The following SKOR1 variants were observed in gnomAD, a reference collection of about 807,000 sequenced individuals.
SKOR1 encodes the protein LBX1 corepressor 1.
Under a neutral mutation model 72.4 loss-of-function variants are expected in SKOR1, and 38 were observed. The observed-to-expected ratio is 0.52, with a 90% confidence interval of 0.40 to 0.69. The LOEUF (loss-of-function observed/expected upper bound fraction) is 0.69. Among genes scored for constraint, SKOR1 ranks in the 30% least tolerant of loss-of-function variants. SKOR1 has a pLI of 0.00. For synonymous variants in SKOR1, 642 were observed against 599.4 expected (o/e 1.07, Z -1.04); for missense variants, 1,320 against 1,343.2 (o/e 0.98, Z 0.27).
chr15:67,825,837 C>A lies in SKOR1; in HGVS notation c.108-99C>A. ...TTTGGACTCCCCACTGCCAAGTATC[C>A]CCCGCGCGCCCAACTCGGAGCGCCC... On this transcript the variant is annotated intron_variant, in intron 1 of 8. Transcript: ENST00000380035. This position sits in a 1 kb window ranked among gnomAD's most constrained non-coding sequence, Gnocchi z 5.6. 6.6e-7 allele frequency: 1 copy of A among 1,515,742 alleles called. No homozygotes were observed. Among genetic ancestry groups the A allele is most frequent in the Non-Finnish European group, 8.8e-7 (1 of 1,138,896 alleles). The allele number at this position is 1,515,742 out of a possible 1,614,324, so 93.9% of individuals were successfully genotyped here. A position where few individuals can be genotyped will look rare whatever the true frequency, so the allele number is the denominator to read the frequency against.
In SKOR1 at chr15:67,833,075, C is replaced by G. The variant is rs563596962; in HGVS notation, c.2738-117C>G. 4.6e-5 allele frequency: 48 copies of G among 1,043,928 alleles called. 1 individual carries two copies. In the South Asian group the frequency reaches 6.3e-4, roughly 14 times the overall value. 64.7% of individuals were successfully genotyped at this position (1,043,928 alleles called of 1,614,324 possible). ...AGCTCCGGTACCCCCTCCCCCATCC[C>G]TGGAGTTGTTTCTGCGCGGAGCTTA... On this transcript the variant is annotated intron_variant, in intron 7 of 8. Transcript: ENST00000380035. This position sits in a 1 kb window ranked among gnomAD's most constrained non-coding sequence, Gnocchi z 6.0.
Position 67,833,208 on chromosome 15 carries a change from A to C in SKOR1, c.2754A>C (p.Glu918Asp). The change falls in exon 8 of 9, where the codon GAA becomes GAC. Residue 918 changes from glutamate to aspartate, a missense_variant. By Grantham distance (45) the Glu-to-Asp change is conservative. This residue lies in a region of SKOR1 where 1,099 missense variants were observed against 1,025.5 expected (regional missense o/e 1.07). Transcript: ENST00000380035. The surrounding 1 kb of genome is among the most constrained non-coding windows in gnomAD (Gnocchi z 6.0). ...LQIVRDTLCN[E>D]LDQERKARYA... ...GTCTTCCAGATACCCTGTGTAACGAACTCGACCAGGAGCGGAAGGCGCGCT... is the reference window on the plus strand; with the variant it reads ...GTCTTCCAGATACCCTGTGTAACGACCTCGACCAGGAGCGGAAGGCGCGCT... 6.2e-7 allele frequency: 1 copy of C among 1,614,060 alleles called. No individual in the cohort carries two copies. The highest frequency in any genetic ancestry group is 8.5e-7 in the Non-Finnish European group (1 of 1,179,992).
At position 67,830,049 on chromosome 15, in the gene SKOR1, G is replaced by A. The variant is rs1277292500; in HGVS notation, c.2408-142G>A. The A allele has an allele frequency of 1.0e-5, 8 of 791,988 alleles. 1 individual carries two copies. The highest frequency in any genetic ancestry group is 3.6e-4 in the Middle Eastern group (1 of 2,810). 49.1% of individuals were successfully genotyped at this position (791,988 alleles called of 1,614,324 possible). A position where few individuals can be genotyped will look rare whatever the true frequency, so the allele number is the denominator to read the frequency against. On this transcript the variant is annotated intron_variant, in intron 3 of 8. Transcript: ENST00000380035. ...GGTGCCCGGCCCAAAGCCTCAGGGC[G>A]CGCTCCTGGGCGCACAGCCGGGAAC...
chr15:67,833,320 T>A lies in SKOR1; in HGVS notation c.2803+63T>A, dbSNP rs779323198. 9 of 1,540,454 alleles carry A rather than the reference T, an allele frequency of 5.8e-6. No homozygotes were observed. The highest frequency in any genetic ancestry group is 7.2e-6 in the Non-Finnish European group (8 of 1,115,598). ...GGTGCCGGCCGTGCTGTCGACTGAA[T>A]GAATGAATAGTGGGACTAGTGAGGA... is the stretch of plus-strand genomic sequence containing the variant. On this transcript the variant is annotated intron_variant, in intron 8 of 8. Coordinates refer to ENST00000380035, the MANE Select transcript of SKOR1 (RefSeq NM_001365915.1). This position sits in a 1 kb window ranked among gnomAD's most constrained non-coding sequence, Gnocchi z 6.0.
chr15:67,832,124 T>A lies in SKOR1; in HGVS notation c.2588-150T>A. Reference sequence around the variant, plus strand: ...AGTTTCTTCACCCAAATCCTTTGAATGCAGTTGGTAAAGCCAGAGAGCGGA... The same window carrying A: ...AGTTTCTTCACCCAAATCCTTTGAAAGCAGTTGGTAAAGCCAGAGAGCGGA... On this transcript the variant is annotated intron_variant, in intron 5 of 8. Coordinates refer to ENST00000380035, the MANE Select transcript of SKOR1 (RefSeq NM_001365915.1). The surrounding 1 kb of genome is among the most constrained non-coding windows in gnomAD (Gnocchi z 4.5). The A allele has an allele frequency of 2.8e-6, 2 of 706,878 alleles. No individual in the cohort carries two copies. Among genetic ancestry groups the A allele is most frequent in the South Asian group, 3.4e-5 (2 of 58,242 alleles). 43.8% of individuals were successfully genotyped at this position (706,878 alleles called of 1,614,324 possible). A position where few individuals can be genotyped will look rare whatever the true frequency, so the allele number is the denominator to read the frequency against.
Position 67,830,851 on chromosome 15 carries a change from C to G in SKOR1, c.2549C>G (p.Thr850Ser). ...GGGCTTACCTTGGATGTCACAGGAA[C>G]TCATTTGGTGGAGAAAGATATCGAG... is the stretch of plus-strand genomic sequence containing the variant. ...EDGLTLDVTGTHLVEKDIENL... is the reference protein window; with the variant it reads ...EDGLTLDVTGSHLVEKDIENL... The change falls in exon 5 of 9, where the codon ACT (threonine) becomes AGT (serine). Residue 850 changes from threonine (T) to serine (S), a missense_variant. By Grantham distance (58) the Thr-to-Ser change is moderately conservative. Around this residue, in one of 3 missense-constraint regions of SKOR1, gnomAD observed 1,099 missense variants for 1,025.5 expected, o/e 1.07. Transcript: ENST00000380035. The G allele has an allele frequency of 6.2e-7, 1 of 1,614,158 alleles. No individual in the cohort carries two copies. The highest frequency in any genetic ancestry group is 1.3e-5 in the African/African-American group (1 of 75,032).
rs986512173 is a variant in SKOR1 at position 67,826,877 on chromosome 15, T to A, written c.1049T>A (p.Leu350Gln). 2 of 1,541,034 alleles carry A rather than the reference T, an allele frequency of 1.3e-6. No individual in the cohort carries two copies. Among genetic ancestry groups the A allele is most frequent in the East Asian group, 4.9e-5 (2 of 41,036 alleles). The change falls in exon 2 of 9, where the codon CTG (leucine) becomes CAG (glutamine). Residue 350 changes from leucine (L) to glutamine (Q), a missense_variant. Around this residue, in one of 3 missense-constraint regions of SKOR1, gnomAD observed 1,099 missense variants for 1,025.5 expected, o/e 1.07. Coordinates refer to ENST00000380035, the MANE Select transcript of SKOR1 (RefSeq NM_001365915.1). ...PPPHPQRGLG[L>Q]ATGASGPAGP... is the part of the protein sequence containing the mutation. Reference sequence around the variant, plus strand: ...CCCCACCCGCAGCGCGGACTTGGCCTGGCGACTGGAGCTAGTGGCCCGGCG... The same window carrying A: ...CCCCACCCGCAGCGCGGACTTGGCCAGGCGACTGGAGCTAGTGGCCCGGCG...
chr15:67,833,052 C>A lies in SKOR1; in HGVS notation c.2738-140C>A. 2 of 835,722 alleles carry A rather than the reference C, an allele frequency of 2.4e-6. No homozygotes were observed. Among genetic ancestry groups the A allele is most frequent in the Non-Finnish European group, 1.9e-6 (1 of 514,740 alleles). The allele number at this position is 835,722 out of a possible 1,614,324, so 51.8% of individuals were successfully genotyped here. A position where few individuals can be genotyped will look rare whatever the true frequency, so the allele number is the denominator to read the frequency against. On this transcript the variant is annotated intron_variant, in intron 7 of 8. Transcript: ENST00000380035. This position sits in a 1 kb window ranked among gnomAD's most constrained non-coding sequence, Gnocchi z 6.0. ...TCCTCCGCCAGTCTGCAGTTAGGAGCTCCGGTACCCCCTCCCCCATCCCTG... is the reference window on the plus strand; with the variant it reads ...TCCTCCGCCAGTCTGCAGTTAGGAGATCCGGTACCCCCTCCCCCATCCCTG...
chr15:67,832,939 C>A lies in SKOR1; in HGVS notation c.2738-253C>A, dbSNP rs763695245. 1 of 596,974 alleles carries A rather than the reference C, an allele frequency of 1.7e-6. No homozygotes were observed. Among genetic ancestry groups the A allele is most frequent in the South Asian group, 2.1e-5 (1 of 48,646 alleles). 37.0% of individuals were successfully genotyped at this position (596,974 alleles called of 1,614,324 possible). ...ATGGTTTCTAAATTAAAAATCGAGG[C>A]GTAAAATTACCTGGGAAGTAATGCC... On this transcript the variant is annotated intron_variant, in intron 7 of 8. Transcript: ENST00000380035. This position sits in a 1 kb window ranked among gnomAD's most constrained non-coding sequence, Gnocchi z 4.5.
intron 4 of SKOR1, 133 bp downstream of exon 4, chr15:67,830,431 G>T (rs1052373166): frequency 3.8e-6 from 3 of 779,714 alleles, no homozygotes; most frequent in Non-Finnish European, 6.3e-6. Context: ...TCCTCGGCGA[G>T]CAGATAAATA....
chr15:67,830,443 T>C, intron 4 of SKOR1, 145 bp downstream of exon 4: 1 of 744,970 alleles, frequency 1.3e-6, no homozygotes, highest in Non-Finnish European at 2.2e-6. Context: ...AGATAAATAT[T>C]TAACGCGAGC....
chr15:67,826,950 G>C lies in SKOR1; in HGVS notation c.1122G>C (p.Val374=). ...GGGAGVRSYP[V]IPVPSKGFGL... ...GCGCCGGCGTACGAAGCTACCCGGT[G>C]ATCCCGGTGCCCAGCAAAGGCTTTG... is the stretch of plus-strand genomic sequence containing the variant. Residue 374 remains valine, a synonymous_variant, in exon 2 of 9, where the codon GTG becomes GTC. Transcript: ENST00000380035. The C allele has an allele frequency of 6.3e-7, 1 of 1,591,676 alleles. No individual in the cohort carries two copies.
intron 4 of SKOR1, 141 bp from the exon 5 acceptor site, chr15:67,830,677 C>T: frequency 1.3e-6 from 1 of 798,324 alleles, no homozygotes; most frequent in Non-Finnish European, 2.2e-6. Context: ...GTGGATAGTA[C>T]TGGATTCCTG....
At position 67,826,120 on chromosome 15, in the gene SKOR1, C is replaced by G; in HGVS notation, c.292C>G (p.Leu98Val). 6.2e-7 allele frequency: 1 copy of G among 1,602,892 alleles called. No homozygotes were observed. The highest frequency in any genetic ancestry group is 8.5e-7 in the Non-Finnish European group (1 of 1,172,104). Residue 98 changes from leucine (L) to valine (V), a missense_variant, in exon 2 of 9, where the codon CTA (leucine) becomes GTA (valine). By Grantham distance (32) the Leu-to-Val change is conservative. Transcript: ENST00000380035. ...GCTGGTCATCGACGGCCAGGAGCGC[C>G]TATGCCTGGCGCAGATCTCCAACAC... ...VSLVIDGQER[L>V]CLAQISNTLL...
rs1313072490 is a variant in SKOR1 at position 67,827,328 on chromosome 15, A to G, written c.1500A>G (p.Val500=). ...MFWPAAGSLP[V]PSYPAAQSQA... is the part of the protein sequence containing the mutation. ...GGCCAGCAGCAGGCAGCCTCCCGGTACCGTCCTACCCCGCTGCTCAGAGCC... is the reference window on the plus strand; with the variant it reads ...GGCCAGCAGCAGGCAGCCTCCCGGTGCCGTCCTACCCCGCTGCTCAGAGCC... The change falls in exon 2 of 9, where the codon GTA becomes GTG. Residue 500 remains valine (V), a synonymous_variant. Transcript: ENST00000380035. 1 of 1,589,044 alleles carries G rather than the reference A, an allele frequency of 6.3e-7. No individual in the cohort carries two copies. The highest frequency in any genetic ancestry group is 1.7e-4 in the Middle Eastern group (1 of 6,008).
chr15:67,830,560 C>T (rs2091000995), intron 4 of SKOR1, among the ~76,000 whole-genome samples: 1 of 152,182 alleles, frequency 6.6e-6, no homozygotes, highest in Non-Finnish European at 1.5e-5. Context: ...CGTCCTCACC[C>T]ACATAAAATA....
rs1333817409 is a variant in SKOR1 at position 67,832,018 on chromosome 15, G to A, written c.2588-256G>A. On this transcript the variant is annotated intron_variant, in intron 5 of 8. Coordinates refer to ENST00000380035, the MANE Select transcript of SKOR1 (RefSeq NM_001365915.1). The surrounding 1 kb of genome is among the most constrained non-coding windows in gnomAD (Gnocchi z 4.5). ...GAGTGAGGAACAACTTAAAGCAGTT[G>A]CCCAGCTGCATAGTTCCTGGAGCCA... 1.3e-5 allele frequency among the ~76,000 whole-genome samples: 2 copies of A among 151,970 alleles called. No homozygotes were observed. Among genetic ancestry groups the A allele is most frequent in the Non-Finnish European group, 2.9e-5 (2 of 68,004 alleles).
rs1469321060 is a variant in SKOR1 at position 67,826,077 on chromosome 15, C to T, written c.249C>T (p.Tyr83=). Residue 83 remains tyrosine (Y), a synonymous_variant, in exon 2 of 9, where the codon TAC becomes TAT. Coordinates refer to ENST00000380035, the MANE Select transcript of SKOR1 (RefSeq NM_001365915.1). ...ACCAGGTGGGCGAGACGTCGCTGTACGGGGTGCCCATTGTGTCGCTGGTCA... is the reference window on the plus strand; with the variant it reads ...ACCAGGTGGGCGAGACGTCGCTGTATGGGGTGCCCATTGTGTCGCTGGTCA... ...KPNQVGETSL[Y]GVPIVSLVID... 2 of 1,597,956 alleles carry T rather than the reference C, an allele frequency of 1.3e-6. No individual in the cohort carries two copies. Among genetic ancestry groups the T allele is most frequent in the East Asian group, 2.2e-5 (1 of 44,524 alleles).
At position 67,827,453 on chromosome 15, in the gene SKOR1, C is replaced by A. The variant is rs1054371413; in HGVS notation, c.1625C>A (p.Ala542Asp). ...GAGCCCCTGGACGGTGCCGAGCCAG[C>A]CAAAGAGAGTGGCCTCGGCGCGGAG... ...APEPLDGAEP[A>D]KESGLGAEER... The change falls in exon 2 of 9, where the codon GCC becomes GAC. Residue 542 changes from alanine (A) to aspartate (D), a missense_variant. Coordinates refer to ENST00000380035, the MANE Select transcript of SKOR1 (RefSeq NM_001365915.1). The A allele has an allele frequency of 2.0e-6, 3 of 1,522,596 alleles. No homozygotes were observed. The highest frequency in any genetic ancestry group is 5.1e-5 in the East Asian group (2 of 39,346). The allele number at this position is 1,522,596 out of a possible 1,614,324, so 94.3% of individuals were successfully genotyped here. A position where few individuals can be genotyped will look rare whatever the true frequency, so the allele number is the denominator to read the frequency against.
Sources: gnomAD v4.1 joint callset for allele counts (sites outside exome capture counted in the v4.1 genomes callset) on GRCh38, gnomAD v4.1.1 for gene constraint, gnomAD v4.1.1 regional missense constraint, Gnocchi (gnomAD v3.1) non-coding constraint, MANE v1.5 for transcripts, NCBI Gene and HGNC (gene_info 2026-07-23, HGNC 2026-07-21) for gene names.